The following ZMYM2 variants were observed in gnomAD, a reference collection of about 807,000 sequenced individuals.
ZMYM2 encodes the protein zinc finger MYM-type protein 2.
A neutral mutation model predicts 162.8 loss-of-function variants in ZMYM2; 56 were observed. The observed-to-expected ratio is 0.34, with a 90% CI of 0.28 to 0.43. The LOEUF is 0.43. ZMYM2 is among the 20% of genes least tolerant of loss of function. The pLI, the probability that ZMYM2 is intolerant of heterozygous loss-of-function variation, is 1.00. For synonymous variants in ZMYM2, 510 were observed against 541.6 expected (o/e 0.94, Z 0.81); for missense variants, 1,275 against 1,621.8 (o/e 0.79, Z 3.67).
chr13:19,969,940 G>A, intron 2 of ZMYM2: 2 of 657,258 alleles, frequency 3.0e-6, no homozygotes, highest in Non-Finnish European at 3.8e-6. Flanking sequence ...CTGTATTAGA[G>A]AAATAGATTC....
chr13:19,993,707 T>C lies in ZMYM2; in HGVS notation c.635T>C (p.Leu212Ser). Residue 212 changes from leucine (L) to serine (S), a missense_variant, in exon 3 of 25, where the codon TTA (leucine) becomes TCA (serine). Leu to Ser is a moderately radical substitution (Grantham distance 145). Transcript: ENST00000610343. Reference protein sequence around the residue: ...LENTDGRDMNLMITHVTSLQN... With the variant: ...LENTDGRDMNSMITHVTSLQN... ...AATACTGACGGGCGAGATATGAACT[T>C]AATGATTACACATGTAACATCACTG... The C allele has an allele frequency of 6.2e-7, 1 of 1,614,044 alleles. No homozygotes were observed. Among genetic ancestry groups the C allele is most frequent in the Non-Finnish European group, 8.5e-7 (1 of 1,179,878 alleles).
chr13:20,008,505 A>G (rs1050897629), intron 6 of ZMYM2, among the ~76,000 whole-genome samples: 2 of 152,258 alleles, frequency 1.3e-5, no homozygotes, highest in African/African-American at 2.4e-5. Flanking sequence ...GGGAAACGAC[A>G]TAGTATCAAA....
chr13:19,993,846 T>C lies in ZMYM2; in HGVS notation c.774T>C (p.Pro258=), dbSNP rs770790853. 6.2e-7 allele frequency: 1 copy of C among 1,613,954 alleles called. No homozygotes were observed. The highest frequency in any genetic ancestry group is 8.5e-7 in the Non-Finnish European group (1 of 1,179,958). Residue 258 remains proline, a synonymous_variant, in exon 3 of 25, where the codon CCT becomes CCC. Coordinates refer to ENST00000610343, the MANE Select transcript of ZMYM2 (RefSeq NM_197968.4). ...CACAGACCAAGACTGGAGTAGGACC[T>C]TTTAATCCTGGTAGAATGAATGTGG... ...LTSQTKTGVG[P]FNPGRMNVAG...
intron 1 of ZMYM2, among the ~76,000 whole-genome samples, chr13:19,959,686 C>A (rs918215498): frequency 6.6e-6 from 1 of 152,172 alleles, no homozygotes; most frequent in Non-Finnish European, 1.5e-5. Context: ...CCCTTCCCCC[C>A]TCCCTTCCCG....
intron 3 of ZMYM2, among the ~76,000 whole-genome samples, chr13:19,999,181 G>A (rs979646662): frequency 2.0e-5 from 3 of 152,184 alleles, no homozygotes; most frequent in Non-Finnish European, 4.4e-5. Flanking sequence ...TTTGACATTG[G>A]ATTGGTCAGT....
the ZMYM2 span, among the ~76,000 whole-genome samples, chr13:19,880,621 G>A: frequency 1.3e-5 from 2 of 151,810 alleles, no homozygotes; most frequent in East Asian, 3.9e-4. Context: ...TAGAGATGGG[G>A]TTTCACCATG....
chr13:19,944,763 A>G, the ZMYM2 span, among the ~76,000 whole-genome samples: 1 of 152,096 alleles, frequency 6.6e-6, no homozygotes, highest in African/African-American at 2.4e-5. Flanking sequence ...TCCGCCTCCC[A>G]GAATCAAGCA....
At chr13:20,049,954 A>C (rs945357912) in intron 12 of ZMYM2, among the ~76,000 whole-genome samples, 1 of 152,034 alleles carries the variant, frequency 6.6e-6, no homozygotes, top group Non-Finnish European at 1.5e-5. Flanking sequence ...AAGAAAGAAA[A>C]GAAACCCTGG....
chr13:19,947,035 T>A, the ZMYM2 span, among the ~76,000 whole-genome samples: 2 of 151,746 alleles, frequency 1.3e-5, no homozygotes, highest in Non-Finnish European at 2.9e-5. Flanking sequence ...TTATTTTTAT[T>A]TTTATTTATT....
At chr13:20,020,665 T>G (rs77200990) in intron 7 of ZMYM2, among the ~76,000 whole-genome samples, 8 of 152,178 alleles carry the variant, frequency 5.3e-5, no homozygotes, top group Non-Finnish European at 8.8e-5. Flanking sequence ...TTTTGTATTG[T>G]TTTTGTACTG....
chr13:19,891,460 T>G, the ZMYM2 span, among the ~76,000 whole-genome samples: 1 of 151,666 alleles, frequency 6.6e-6, no homozygotes, highest in Non-Finnish European at 1.5e-5. Flanking sequence ...TGACAGTTTT[T>G]TTTTTTTTCC....
At chr13:19,961,054 C>G (rs1045844090) in intron 2 of ZMYM2, among the ~76,000 whole-genome samples, 2 of 151,938 alleles carry the variant, frequency 1.3e-5, no homozygotes, top group African/African-American at 4.8e-5. Context: ...TAGCAAGTAG[C>G]CCACAGGGTA....
chr13:20,042,491 C>G (rs567675385), intron 12 of ZMYM2, among the ~76,000 whole-genome samples: 58 of 152,194 alleles, frequency 3.8e-4, no homozygotes, highest in Non-Finnish European at 6.6e-4. Flanking sequence ...TCAGTGTGCT[C>G]CTGCTTCTCA....
intron 1 of ZMYM2, among the ~76,000 whole-genome samples, chr13:19,959,538 A>G (rs1380694833): frequency 1.3e-5 from 2 of 152,128 alleles, no homozygotes; most frequent in African/African-American, 2.4e-5. Flanking sequence ...GCTTGGGGCA[A>G]ATGTGGGCGA....
At chr13:19,885,943 A>ATACACATATATGTG in the ZMYM2 span, among the ~76,000 whole-genome samples, 705 of 24,394 alleles carry the variant, frequency 0.029, 258 homozygotes, top group South Asian at 0.13. Flanking sequence ...ACACATATAT[A>ATACACATATATGTG]TGTATATACA....
rs577862272 is a variant in ZMYM2 at position 20,082,470 on chromosome 13, A to G, written c.3569-311A>G. On this transcript the variant is annotated intron_variant, in intron 22 of 24. Transcript: ENST00000610343. ...AATGTGTATGTATGTGGAGTCATCA[A>G]TTTTTTTCAGGAATTTAAATTCCTG... is the stretch of plus-strand genomic sequence containing the variant. Among the ~76,000 whole-genome samples, 7 of 152,214 alleles carry G rather than the reference A, an allele frequency of 4.6e-5. No homozygotes were observed. The South Asian group carries it at 6.2e-4, about 14-fold the overall frequency.
Position 20,082,810 on chromosome 13 carries a change from T to C in ZMYM2, c.3598T>C (p.Tyr1200His), listed in dbSNP as rs1421198945. 6.2e-7 allele frequency: 1 copy of C among 1,611,224 alleles called. No homozygotes were observed. Among genetic ancestry groups the C allele is most frequent in the Non-Finnish European group, 8.5e-7 (1 of 1,178,124 alleles). The change falls in exon 23 of 25, where the codon TAT (tyrosine) becomes CAT (histidine). Residue 1200 changes from tyrosine (Y) to histidine (H), a missense_variant. By Grantham distance (83) the Tyr-to-His change is moderately conservative. Transcript: ENST00000610343. ...GSIFSRVEEDYLWRIKQLGSH... is the reference protein window; with the variant it reads ...GSIFSRVEEDHLWRIKQLGSH... ...AATATTCTCTCGAGTTGAAGAAGAC[T>C]ATCTCTGGAGGATAAAACAACTAGG... is the stretch of plus-strand genomic sequence containing the variant.
At chr13:19,972,208 T>C (rs1002776928) in intron 2 of ZMYM2, among the ~76,000 whole-genome samples, 2 of 152,226 alleles carry the variant, frequency 1.3e-5, no homozygotes, top group African/African-American at 4.8e-5. Flanking sequence ...ATGAATTAAA[T>C]GGTTCCTATC....
the ZMYM2 span, among the ~76,000 whole-genome samples, chr13:19,906,385 A>G: frequency 6.9e-6 from 1 of 144,060 alleles, no homozygotes; most frequent in Non-Finnish European, 1.5e-5. Context: ...ATGTGTATAT[A>G]TATGTATGTG....
Sources: gnomAD v4.1 joint callset for allele counts (sites outside exome capture counted in the v4.1 genomes callset) on GRCh38, gnomAD v4.1.1 for gene constraint, MANE v1.5 for transcripts, NCBI Gene and HGNC (gene_info 2026-07-23, HGNC 2026-07-21) for gene names.